Variants in MSRA observed in about 807,000 individuals in gnomAD.
MSRA encodes methionine sulfoxide reductase A.
A neutral mutation model predicts 31.3 loss-of-function variants in MSRA; 54 were observed. That is an observed-to-expected ratio of 1.73 (90% CI 1.39 to 2.17). The LOEUF (loss-of-function observed/expected upper bound fraction) is 2.17, where lower values mean the gene tolerates loss of function less well. Among genes scored for constraint, MSRA ranks in the 30% most tolerant of loss-of-function variants. The pLI, the probability that MSRA is intolerant of heterozygous loss-of-function variation, is 0.00. For missense variants in MSRA, 507 were observed against 300.9 expected (o/e 1.69, Z -5.07); for synonymous variants, 169 against 116.5 (o/e 1.45, Z -2.90).
At chr8:10,074,745 G>T (rs532057145) in intron 1 of MSRA, among the ~76,000 whole-genome samples, 57 of 152,128 alleles carry the variant, frequency 3.7e-4, no homozygotes, top group Middle Eastern at 3.4e-3. Flanking sequence ...AGCAACCTCT[G>T]CCTCCTGGGT....
chr8:10,270,617 G>A (rs1373599833), intron 3 of MSRA, among the ~76,000 whole-genome samples: 1 of 152,160 alleles, frequency 6.6e-6, no homozygotes, highest in Non-Finnish European at 1.5e-5. Context: ...CAGAGCAGCT[G>A]GAGTTCCACA....
intron 1 of MSRA, among the ~76,000 whole-genome samples, chr8:10,063,925 C>G (rs1456507964): frequency 1.3e-5 from 2 of 152,226 alleles, no homozygotes; most frequent in East Asian, 1.9e-4. Flanking sequence ...CAAGGCTAAA[C>G]TTGGCTTCTT....
At chr8:10,233,305 A>G (rs1431698631) in intron 2 of MSRA, among the ~76,000 whole-genome samples, 4 of 152,242 alleles carry the variant, frequency 2.6e-5, no homozygotes, top group East Asian at 1.9e-4. Context: ...TGTGTGTGCA[A>G]CTGTGAAAAT....
chr8:10,360,105 G>C (rs576887424), intron 5 of MSRA, among the ~76,000 whole-genome samples: 22 of 152,292 alleles, frequency 1.4e-4, no homozygotes, highest in African/African-American at 3.8e-4. Context: ...CCCAGGCCTC[G>C]TAACACAGGC....
At chr8:10,327,073 AT>A (rs954466373) in intron 5 of MSRA, among the ~76,000 whole-genome samples, 1 of 152,206 alleles carries the variant, frequency 6.6e-6, no homozygotes, top group Non-Finnish European at 1.5e-5. Context: ...TTCTCTGGGT[AT>A]TTCTCTCGCG....
rs7008386 is a variant in MSRA, at chr8:10,114,212, A to G, written c.142+59554A>G. On this transcript the variant is annotated intron_variant, in intron 1 of 5. Coordinates refer to ENST00000317173, the MANE Select transcript of MSRA (RefSeq NM_012331.5). ...CCATATTTTGACATTTTATTTATCC[A>G]TCATCAGTTGGTGGACATTTGGGTT... Among the ~76,000 whole-genome samples, 1,148 of 152,256 alleles carry G rather than the reference A, an allele frequency of 7.5e-3. 12 individuals are homozygous for G. Among genetic ancestry groups the G allele is most frequent in the African/African-American group, 0.024 (1,011 of 41,550 alleles).
rs1159058280 is a variant in MSRA at position 10,428,398 on chromosome 8, C to T, written c.*86C>T. The T allele has an allele frequency of 8.5e-6, 12 of 1,406,814 alleles. No homozygotes were observed. Among genetic ancestry groups the T allele is most frequent in the African/African-American group, 1.4e-5 (1 of 69,842 alleles). 87.1% of individuals were successfully genotyped at this position (1,406,814 alleles called of 1,614,324 possible). A position where few individuals can be genotyped will look rare whatever the true frequency, so the allele number is the denominator to read the frequency against. On this transcript the variant is annotated 3_prime_UTR_variant, in exon 6 of 6. Transcript: ENST00000317173. The stretch of plus-strand genomic sequence containing the variant: ...ATGCTTGTGTGATTCACAATCGTGG[C>T]ATTTAAAGTGCACAAAGTACAAAGG...
chr8:10,079,109 G>A (rs183188058), intron 1 of MSRA, among the ~76,000 whole-genome samples: 244 of 152,218 alleles, frequency 1.6e-3, no homozygotes, highest in Admixed American at 2.9e-3. Flanking sequence ...CAGGCTCATA[G>A]GTGTCAAGAA....
intron 5 of MSRA, among the ~76,000 whole-genome samples, chr8:10,333,367 A>C (rs1049121414): frequency 6.6e-6 from 1 of 152,198 alleles, no homozygotes; most frequent in Non-Finnish European, 1.5e-5. Context: ...TTTGAAGCCC[A>C]CAATTTCCTG....
intron 1 of MSRA, among the ~76,000 whole-genome samples, chr8:10,126,375 G>C (rs13266849): frequency 2.2e-4 from 33 of 152,284 alleles, no homozygotes; most frequent in African/African-American, 6.7e-4. Context: ...TCATCCTCTA[G>C]AACAGCAGTT....
At chr8:10,167,148 C>T (rs1163507384) in intron 1 of MSRA, among the ~76,000 whole-genome samples, 1 of 152,128 alleles carries the variant, frequency 6.6e-6, no homozygotes, top group Non-Finnish European at 1.5e-5. Flanking sequence ...CTCTCCCATG[C>T]CAGGAATTAA....
At chr8:10,215,582 G>A (rs905976821) in intron 2 of MSRA, among the ~76,000 whole-genome samples, 1 of 152,264 alleles carries the variant, frequency 6.6e-6, no homozygotes, top group African/African-American at 2.4e-5. Context: ...GTAACTCAGG[G>A]ATTTTGAAGG....
intron 1 of MSRA, among the ~76,000 whole-genome samples, chr8:10,089,907 G>A (rs1046432201): frequency 6.6e-6 from 1 of 152,206 alleles, no homozygotes; most frequent in African/African-American, 2.4e-5. Context: ...ATCCGTTCAT[G>A]TGGGATATGC....
At chr8:10,151,898 G>C (rs1360415851) in intron 1 of MSRA, among the ~76,000 whole-genome samples, 10 of 152,216 alleles carry the variant, frequency 6.6e-5, no homozygotes, top group Admixed American at 6.5e-4. Context: ...GCCTTTTTAA[G>C]TGACTTGAAA....
At chr8:10,399,283 G>T (rs1380695898) in intron 5 of MSRA, among the ~76,000 whole-genome samples, 1 of 152,226 alleles carries the variant, frequency 6.6e-6, no homozygotes, top group Non-Finnish European at 1.5e-5. Context: ...GTCTACTGTA[G>T]TAAGTGTCCA....
At chr8:10,236,473 A>C (rs1267613212) in intron 2 of MSRA, among the ~76,000 whole-genome samples, 5 of 152,238 alleles carry the variant, frequency 3.3e-5, no homozygotes, top group African/African-American at 7.2e-5. Flanking sequence ...CAAAAAGTAT[A>C]GTAGAAAAAA....
intron 5 of MSRA, among the ~76,000 whole-genome samples, chr8:10,367,390 G>A (rs1423865718): frequency 6.6e-6 from 1 of 152,154 alleles, no homozygotes; most frequent in Admixed American, 6.5e-5. Context: ...TAACAGGTAG[G>A]TATGTATACG....
At chr8:10,257,885 G>A (rs1798266496) in intron 3 of MSRA, among the ~76,000 whole-genome samples, 1 of 152,208 alleles carries the variant, frequency 6.6e-6, no homozygotes, top group Non-Finnish European at 1.5e-5. Context: ...GGTCAGCGCA[G>A]CAGAGAGGTG....
chr8:10,271,412 C>T lies in MSRA; in HGVS notation c.331+26189C>T, dbSNP rs149628217. On this transcript the variant is annotated intron_variant, in intron 3 of 5. Coordinates refer to ENST00000317173, the MANE Select transcript of MSRA (RefSeq NM_012331.5). ...TTATGTAACATTTAGAGTACATGAC[C>T]AAATACGATGTGAGGACTAAGGGAT... Among the ~76,000 whole-genome samples the T allele has an allele frequency of 3.0e-3, 336 of 112,754 alleles. 2 individuals are homozygous for T. Among genetic ancestry groups the T allele is most frequent in the Middle Eastern group, 8.5e-3 (2 of 234 alleles). The allele number at this position is 112,754 out of a possible 152,430, so 74.0% of individuals were successfully genotyped here.
Sources: allele counts gnomAD v4.1 joint callset (sites outside exome capture counted in the v4.1 genomes callset), GRCh38; gene constraint gnomAD v4.1.1; transcripts MANE v1.5; gene names NCBI Gene and HGNC (gene_info 2026-07-23, HGNC 2026-07-21).